ATP6V1A: variants seen among roughly 807,000 people sequenced by gnomAD.
The protein encoded by ATP6V1A is V-type proton ATPase catalytic subunit A.
ATP6V1A carries 18 observed loss-of-function variants against 70.1 expected under a neutral mutation model. The ratio of observed to expected loss-of-function variants is 0.26; its 90% CI spans 0.18 to 0.38. The LOEUF (loss-of-function observed/expected upper bound fraction) is 0.38, where lower values mean the gene tolerates loss of function less well. Among genes scored for constraint, ATP6V1A ranks in the 10% least tolerant of loss-of-function variants. The pLI is 1.00. For synonymous variants in ATP6V1A, 232 were observed against 253.8 expected, an observed-to-expected ratio of 0.91 and a Z score of 0.82; for missense variants, 424 against 772.4, an observed-to-expected ratio of 0.55 and a Z score of 5.35.
At chr3:113,807,209 T>G (rs949759418) in intron 14 of ATP6V1A, among the ~76,000 whole-genome samples, 4 of 151,066 alleles carry the variant, frequency 2.6e-5, no homozygotes, top group Non-Finnish European at 5.9e-5. Context: ...AGATGGAGTC[T>G]TGCTCTGTTG....
chr3:113,766,746 A>G (rs755110473), intron 1 of ATP6V1A, among the ~76,000 whole-genome samples: 2 of 152,228 alleles, frequency 1.3e-5, no homozygotes, highest in Non-Finnish European at 2.9e-5. Flanking sequence ...AGTCCATGAC[A>G]CATGGCTTTC....
At chr3:113,800,178 G>T (rs1048385684) in intron 12 of ATP6V1A, among the ~76,000 whole-genome samples, 2 of 150,532 alleles carry the variant, frequency 1.3e-5, no homozygotes, top group Non-Finnish European at 2.9e-5. Context: ...GTTGCAGTGA[G>T]CCGAAATCAC....
intron 1 of ATP6V1A, among the ~76,000 whole-genome samples, chr3:113,763,384 G>A (rs1340615940): frequency 6.6e-6 from 1 of 152,218 alleles, no homozygotes; most frequent in Non-Finnish European, 1.5e-5. Context: ...GCCACACCCA[G>A]TCCTTCCATG....
At chr3:113,798,984 A>G (rs2108041179) in intron 12 of ATP6V1A, among the ~76,000 whole-genome samples, 1 of 152,314 alleles carries the variant, frequency 6.6e-6, no homozygotes, top group East Asian at 1.9e-4. Context: ...CTCCTAATTT[A>G]TTCCAAAAAA....
At chr3:113,784,538 A>G in intron 4 of ATP6V1A, 100 bp downstream of exon 4, 1 of 1,386,782 alleles carries the variant, frequency 7.2e-7, no homozygotes, top group Non-Finnish European at 9.8e-7. Context: ...AAAATAGACT[A>G]CAGAAGGATA....
intron 1 of ATP6V1A, among the ~76,000 whole-genome samples, chr3:113,762,324 TTTGGGAGGCC>T: frequency 6.6e-6 from 1 of 151,954 alleles, no homozygotes; most frequent in South Asian, 2.1e-4. Flanking sequence ...ATCCCAGCAC[TTTGGGAGGCC>T]AAAGCGGGCG....
chr3:113,799,170 G>A (rs1242750644), intron 12 of ATP6V1A, among the ~76,000 whole-genome samples: 1 of 152,086 alleles, frequency 6.6e-6, no homozygotes, highest in Non-Finnish European at 1.5e-5. Context: ...ATGAATGTAG[G>A]TATGAATGTA....
intron 10 of ATP6V1A, 87 bp downstream of exon 10, chr3:113,795,291 G>T: frequency 7.2e-7 from 1 of 1,396,904 alleles, no homozygotes; most frequent in Non-Finnish European, 9.7e-7. Context: ...TTTAAAGAGA[G>T]AATATTTAGC....
At position 113,771,429 on chromosome 3, in the gene ATP6V1A, C is replaced by CT. The variant is rs772278685; in HGVS notation, c.-13-7286dup. On this transcript the variant is annotated intron_variant, in intron 1 of 14. Coordinates refer to ENST00000273398, the MANE Select transcript of ATP6V1A (RefSeq NM_001690.4). Reference sequence around the variant, plus strand: ...GGAAAAAACACTTGCATATTTTTCTCTTTTTTTTTTTTTTTTTTTTTTTTT... The same window carrying CT: ...GGAAAAAACACTTGCATATTTTTCTCTTTTTTTTTTTTTTTTTTTTTTTTTT... Among the ~76,000 whole-genome samples the CT allele has an allele frequency of 6.1e-3, 688 of 112,546 alleles. 23 individuals are homozygous for CT. Among genetic ancestry groups the CT allele is most frequent in the African/African-American group, 0.013 (392 of 29,808 alleles). 73.8% of individuals were successfully genotyped at this position (112,546 alleles called of 152,430 possible).
chr3:113,796,295 C>T (rs192019168), intron 11 of ATP6V1A, among the ~76,000 whole-genome samples: 3 of 152,300 alleles, frequency 2.0e-5, no homozygotes, highest in African/African-American at 7.2e-5. Context: ...TTTCACTTCA[C>T]AGTATGATCC....
rs1321266251 is a variant in ATP6V1A, at chr3:113,771,876, T to C, written c.-13-6865T>C. 4.6e-5 allele frequency among the ~76,000 whole-genome samples: 7 copies of C among 152,328 alleles called. No homozygotes were observed. The East Asian group carries it at 1.2e-3, about 25-fold the overall frequency. On this transcript the variant is annotated intron_variant, in intron 1 of 14. Coordinates refer to ENST00000273398, the MANE Select transcript of ATP6V1A (RefSeq NM_001690.4). ...AAACTTGTTTGGATTTCAGAGAATATACAAGAGCATGCCAAGAAATTTCCT... is the reference window on the plus strand; with the variant it reads ...AAACTTGTTTGGATTTCAGAGAATACACAAGAGCATGCCAAGAAATTTCCT...
At position 113,798,334 on chromosome 3, in the gene ATP6V1A, T is replaced by C; in HGVS notation, c.1382T>C (p.Leu461Ser). The C allele has an allele frequency of 3.1e-6, 5 of 1,613,984 alleles. No individual in the cohort carries two copies. Among genetic ancestry groups the C allele is most frequent in the Non-Finnish European group, 3.4e-6 (4 of 1,179,974 alleles). Residue 461 changes from leucine (L) to serine (S), a missense_variant, in exon 12 of 15, where the codon TTG (leucine) becomes TCG (serine). Coordinates refer to ENST00000273398, the MANE Select transcript of ATP6V1A (RefSeq NM_001690.4). ...AGCTACAGCAAGTATATGCGTGCCT[T>C]GGATGAATACTATGACAAACACTTC... ...LISYSKYMRA[L>S]DEYYDKHFTE...
At chr3:113,805,111 T>A (rs532942941) in intron 13 of ATP6V1A, among the ~76,000 whole-genome samples, 1 of 152,336 alleles carries the variant, frequency 6.6e-6, no homozygotes, top group South Asian at 2.1e-4. Flanking sequence ...AATTTACCCT[T>A]AAAATAAATA....
In ATP6V1A at chr3:113,782,213, T is replaced by A. The variant is rs115408135; in HGVS notation, c.211+1035T>A. 9.9e-3 allele frequency among the ~76,000 whole-genome samples: 1,508 copies of A among 152,286 alleles called. 22 individuals carry two copies. The highest frequency in any genetic ancestry group is 0.063 in the South Asian group (305 of 4,828). ...GGTGCCAATTTAAAACAAAATCATC[T>A]AGAAATTTTAAATAAAAATAGAAGT... is the stretch of plus-strand genomic sequence containing the variant. On this transcript the variant is annotated intron_variant, in intron 3 of 14. Coordinates refer to ENST00000273398, the MANE Select transcript of ATP6V1A (RefSeq NM_001690.4).
intron 3 of ATP6V1A, 26 bp downstream of exon 3, chr3:113,781,204 C>A: frequency 1.9e-6 from 3 of 1,588,998 alleles, no homozygotes; most frequent in South Asian, 1.1e-5. Flanking sequence ...CAATTTCCTG[C>A]CACTTTCTAT....
intron 8 of ATP6V1A, among the ~76,000 whole-genome samples, chr3:113,792,503 A>C (rs1364548670): frequency 1.3e-5 from 2 of 152,104 alleles, no homozygotes; most frequent in East Asian, 3.9e-4. Context: ...ATGCCTGGCT[A>C]ATTTTTTTAT....
intron 7 of ATP6V1A, 125 bp downstream of exon 7, chr3:113,789,000 T>A: frequency 1.2e-6 from 1 of 847,464 alleles, no homozygotes; most frequent in East Asian, 2.9e-5. Flanking sequence ...TTTAAGGAAT[T>A]TTAAAATTAT....
intron 2 of ATP6V1A, 146 bp downstream of exon 2, chr3:113,778,981 C>T (rs1014713785): frequency 3.4e-5 from 16 of 467,210 alleles, no homozygotes; most frequent in Middle Eastern, 5.9e-4. Flanking sequence ...ACTATAAGAC[C>T]GAAGTAGAAT....
chr3:113,781,872 A>AT (rs1708981081), intron 3 of ATP6V1A, among the ~76,000 whole-genome samples: 1 of 152,220 alleles, frequency 6.6e-6, no homozygotes, highest in Non-Finnish European at 1.5e-5. Context: ...TAGTAAGTCC[A>AT]CAAATAAAAC....
Sources: gnomAD v4.1 joint callset for allele counts (sites outside exome capture counted in the v4.1 genomes callset) on GRCh38, gnomAD v4.1.1 for gene constraint, MANE v1.5 for transcripts, NCBI Gene and HGNC (gene_info 2026-07-23, HGNC 2026-07-21) for gene names.